COX6B1: variants seen among roughly 807,000 people sequenced by gnomAD.
The protein encoded by COX6B1 is cytochrome c oxidase subunit 6B1, also known as COX VIb-1.
COX6B1 carries 2 observed loss-of-function variants against 14.0 expected under a neutral mutation model. That is an observed-to-expected ratio of 0.14 (90% confidence interval 0.06 to 0.45). The LOEUF (loss-of-function observed/expected upper bound fraction) is 0.45. Ranked by LOEUF, COX6B1 falls within the 20% of genes least tolerant of loss-of-function variation. The pLI is 0.98. For synonymous variants in COX6B1, 30 were observed against 39.7 expected, an observed-to-expected ratio of 0.76 and a Z score of 0.92; for missense variants, 81 against 114.2, an observed-to-expected ratio of 0.71 and a Z score of 1.33.
intron 3 of COX6B1, 109 bp downstream of exon 3, chr19:35,654,780 C>T: frequency 1.1e-6 from 1 of 909,194 alleles, no homozygotes; most frequent in Non-Finnish European, 1.8e-6. Context: ...GAGGACAGGG[C>T]ACCACACTGT....
At chr19:35,648,561 T>C (rs1488445570) in intron 1 of COX6B1, 158 bp downstream of exon 1, 2 of 328,318 alleles carry the variant, frequency 6.1e-6, no homozygotes, top group Admixed American at 4.1e-5. Flanking sequence ...CTAACAATGA[T>C]ACGGTTCTTC....
At chr19:35,657,494 T>C (rs576629899) in intron 3 of COX6B1, among the ~76,000 whole-genome samples, 1 of 152,128 alleles carries the variant, frequency 6.6e-6, no homozygotes, top group Admixed American at 6.6e-5. Context: ...TGGTAGGCAC[T>C]GGTTGGGGCT....
Position 35,658,674 on chromosome 19 carries a change from C to T in COX6B1, c.*27C>T, listed in dbSNP as rs767181711. The T allele has an allele frequency of 6.2e-7, 1 of 1,610,124 alleles. No homozygotes were observed. Among genetic ancestry groups the T allele is most frequent in the Non-Finnish European group, 8.5e-7 (1 of 1,176,488 alleles). ...CTGGCTGCATCTCCCTTTCCTCTGTCCTCCATCCTTCTCCCAGGATGGTGA... is the reference window on the plus strand; with the variant it reads ...CTGGCTGCATCTCCCTTTCCTCTGTTCTCCATCCTTCTCCCAGGATGGTGA... On this transcript the variant is annotated 3_prime_UTR_variant, in exon 4 of 4. Coordinates refer to ENST00000649813, the MANE Select transcript of COX6B1 (RefSeq NM_001863.5).
At position 35,649,048 on chromosome 19, in the gene COX6B1, T is replaced by C. The variant is rs182796030; in HGVS notation, c.-12+645T>C. On this transcript the variant is annotated intron_variant, in intron 1 of 3. Transcript: ENST00000649813. ...AATTTGACACTGCTCTGCAAGTCTC[T>C]GTATAGCCCCACGACTCCTAGGATT... 123 of 442,790 alleles carry C rather than the reference T, an allele frequency of 2.8e-4. 1 individual carries two copies. In the East Asian group the frequency reaches 7.7e-3, roughly 28 times the overall value. 27.4% of individuals were successfully genotyped at this position (442,790 alleles called of 1,614,324 possible). A position where few individuals can be genotyped will look rare whatever the true frequency, so the allele number is the denominator to read the frequency against.
At position 35,651,282 on chromosome 19, in the gene COX6B1, G is replaced by A. The variant is rs375688378; in HGVS notation, c.39G>A (p.Lys13=). Residue 13 remains lysine (K), a synonymous_variant, in exon 2 of 4, where the codon AAG becomes AAA. Transcript: ENST00000649813. The stretch of plus-strand genomic sequence containing the variant: ...TGGAGACCAAAATCAAGAACTACAA[G>A]ACCGCCCCTTTTGACAGCCGCTTCC... The part of the protein sequence containing the change: ...EDMETKIKNY[K]TAPFDSRFPN... 2 of 1,614,062 alleles carry A rather than the reference G, an allele frequency of 1.2e-6. No individual in the cohort carries two copies. Among genetic ancestry groups the A allele is most frequent in the Non-Finnish European group, 1.7e-6 (2 of 1,179,990 alleles).
chr19:35,650,885 C>A (rs1289226791), intron 1 of COX6B1, among the ~76,000 whole-genome samples: 2 of 152,054 alleles, frequency 1.3e-5, no homozygotes, highest in African/African-American at 4.8e-5. Context: ...CTGTTCCTTC[C>A]TCGTCTGGGC....
chr19:35,654,708 G>A, intron 3 of COX6B1, 37 bp downstream of exon 3: 1 of 1,591,966 alleles, frequency 6.3e-7, no homozygotes, highest in Non-Finnish European at 8.6e-7. Flanking sequence ...GGATGCTGGG[G>A]TGGGGTCTTA....
chr19:35,652,371 G>T (rs1414909339), intron 2 of COX6B1, among the ~76,000 whole-genome samples: 1 of 151,764 alleles, frequency 6.6e-6, no homozygotes, highest in Non-Finnish European at 1.5e-5. Context: ...ACAGCACCCC[G>T]CTCTCCCCAG....
chr19:35,652,860 A>G (rs7253113), intron 2 of COX6B1, among the ~76,000 whole-genome samples: 20,289 of 151,784 alleles, frequency 0.13, 1,649 homozygotes, highest in East Asian at 0.29. Context: ...GTGCAATGGC[A>G]CGATCTCAGC....
At chr19:35,655,302 A>C (rs1448407068) in intron 3 of COX6B1, among the ~76,000 whole-genome samples, 2 of 152,140 alleles carry the variant, frequency 1.3e-5, no homozygotes, top group Non-Finnish European at 2.9e-5. Flanking sequence ...TGCTGGGATT[A>C]CAGGCGTGAA....
chr19:35,652,583 C>T (rs970567980), intron 2 of COX6B1, among the ~76,000 whole-genome samples: 7 of 151,080 alleles, frequency 4.6e-5, no homozygotes, highest in Admixed American at 4.0e-4. Context: ...TACAGGCACC[C>T]GCCACCATGC....
intron 1 of COX6B1, chr19:35,648,623 C>T (rs1414419383): frequency 8.7e-6 from 3 of 344,250 alleles, no homozygotes; most frequent in Non-Finnish European, 1.2e-5. Flanking sequence ...TTTAACTCTC[C>T]CACCAGCCCT....
chr19:35,655,621 T>TA (rs58512153), intron 3 of COX6B1, among the ~76,000 whole-genome samples: 44,845 of 146,032 alleles, frequency 0.31, 7,623 homozygotes, highest in African/African-American at 0.48. Flanking sequence ...GCCCTTTGTT[T>TA]AAAAAAAAAA....
At chr19:35,651,134 C>A (rs1967819768) in intron 1 of COX6B1, 99 bp from the exon 2 acceptor site, 3 of 764,650 alleles carry the variant, frequency 3.9e-6, no homozygotes, top group African/African-American at 1.7e-5. Context: ...TCACACCCAG[C>A]CCATTGTTCC....
rs571697891 is a variant in COX6B1, at chr19:35,649,775, C to T, written c.-12+1372C>T. 3.3e-5 allele frequency among the ~76,000 whole-genome samples: 5 copies of T among 152,038 alleles called. No individual in the cohort carries two copies. In the South Asian group the frequency reaches 1.0e-3, roughly 32 times the overall value. ...GATTACAGGCGTGAGCCACCTCTTC[C>T]GGCCAATTTTAATATTTTTTTTGTA... On this transcript the variant is annotated intron_variant, in intron 1 of 3. Transcript: ENST00000649813.
chr19:35,652,775 A>ATTATT (rs1218557135), intron 2 of COX6B1, among the ~76,000 whole-genome samples: 3 of 151,278 alleles, frequency 2.0e-5, no homozygotes, highest in Non-Finnish European at 2.9e-5. Flanking sequence ...CACCATGTTT[A>ATTATT]TTATTTTATT....
At chr19:35,650,396 CT>C (rs1967811933) in intron 1 of COX6B1, among the ~76,000 whole-genome samples, 1 of 152,146 alleles carries the variant, frequency 6.6e-6, no homozygotes, top group Admixed American at 6.6e-5. Context: ...CTCATGGAGC[CT>C]ATGCAATTTT....
rs1042119996 is a variant in COX6B1, at chr19:35,653,559, A to G, written c.107-1012A>G. Among the ~76,000 whole-genome samples, 74 of 146,564 alleles carry G rather than the reference A, an allele frequency of 5.0e-4. No homozygotes were observed. In the South Asian group the frequency reaches 5.8e-3, roughly 11 times the overall value. The stretch of plus-strand genomic sequence containing the variant: ...AGTGCTGAGATTACAGGCGTGAGCC[A>G]CCGTGCCTGGCCAATTTTTTGTATT... On this transcript the variant is annotated intron_variant, in intron 2 of 3. Transcript: ENST00000649813.
chr19:35,653,690 C>T (rs1194682973), intron 2 of COX6B1, among the ~76,000 whole-genome samples: 3 of 151,592 alleles, frequency 2.0e-5, no homozygotes, highest in African/African-American at 7.3e-5. Flanking sequence ...ACACCATTCT[C>T]CTGCCTCAGC....
Sources: gnomAD v4.1 joint callset for allele counts (sites outside exome capture counted in the v4.1 genomes callset) on GRCh38, gnomAD v4.1.1 for gene constraint, MANE v1.5 for transcripts, NCBI Gene and HGNC (gene_info 2026-07-23, HGNC 2026-07-21) for gene names.